Variants in ABCD2 observed in about 807,000 individuals in gnomAD.
ABCD2 encodes ATP-binding cassette sub-family D member 2.
ABCD2 carries 36 observed loss-of-function variants against 70.9 expected under a neutral mutation model. The ratio of observed to expected loss-of-function variants is 0.51; its 90% CI spans 0.39 to 0.67. The LOEUF (loss-of-function observed/expected upper bound fraction) is 0.67, where lower values mean the gene tolerates loss of function less well. Among genes scored for constraint, ABCD2 ranks in the 30% least tolerant of loss-of-function variants. ABCD2 has a pLI of 0.00. For synonymous variants in ABCD2, 304 were observed against 306.9 expected, an observed-to-expected ratio of 0.99 and a Z score of 0.10; for missense variants, 729 against 890.2, an observed-to-expected ratio of 0.82 and a Z score of 2.30.
At chr12:39,585,266 C>T (rs1941649490) in intron 7 of ABCD2, among the ~76,000 whole-genome samples, 1 of 152,036 alleles carries the variant, frequency 6.6e-6, no homozygotes, top group South Asian at 2.1e-4. Flanking sequence ...GTATTTCATT[C>T]TTTTTGTGGC....
the ABCD2 span, among the ~76,000 whole-genome samples, chr12:39,532,525 G>A: frequency 1.3e-5 from 2 of 152,262 alleles, no homozygotes; most frequent in Non-Finnish European, 2.9e-5. Context: ...GAAATGCTAC[G>A]ATCTTTTTGG....
At chr12:39,568,544 G>A (rs1304323346) in intron 9 of ABCD2, among the ~76,000 whole-genome samples, 2 of 151,858 alleles carry the variant, frequency 1.3e-5, no homozygotes, top group East Asian at 1.9e-4. Context: ...TTTTTTCAAG[G>A]TTTTTAACTT....
At chr12:39,588,683 A>G (rs1315932474) in intron 6 of ABCD2, among the ~76,000 whole-genome samples, 1 of 152,150 alleles carries the variant, frequency 6.6e-6, no homozygotes, top group Non-Finnish European at 1.5e-5. Flanking sequence ...TACAAGTAGT[A>G]TTTCTGTAAA....
Position 39,618,685 on chromosome 12 carries a change from C to T in ABCD2, c.931G>A (p.Gly311Arg), listed in dbSNP as rs1379602584. Reference protein sequence around the residue: ...ANVEEIAFYRGHKVEMKQLQK... With the variant: ...ANVEEIAFYRRHKVEMKQLQK... ...CTTAATTTCTATCTTACCTTATGTC[C>T]TCTGTAAAAGGCAATTTCTTCTACA... Residue 311 changes from glycine to arginine, a missense_variant, in exon 1 of 10, where the codon GGA becomes AGA. By Grantham distance (125) the Gly-to-Arg change is moderately radical. This residue lies in a region of ABCD2 where 195 missense variants were observed against 300.2 expected (regional missense o/e 0.65). Coordinates refer to ENST00000308666, the MANE Select transcript of ABCD2 (RefSeq NM_005164.4). 6.2e-7 allele frequency: 1 copy of T among 1,612,716 alleles called. No homozygotes were observed. Among genetic ancestry groups the T allele is most frequent in the Admixed American group, 1.7e-5 (1 of 59,964 alleles).
intron 8 of ABCD2, 150 bp from the exon 9 acceptor site, chr12:39,573,991 AGTT>A (rs1941483257): frequency 3.0e-6 from 2 of 656,456 alleles, no homozygotes; most frequent in South Asian, 5.0e-5. Context: ...GCAAAAAAGT[AGTT>A]GTCCCCTTCT....
chr12:39,538,099 G>A, the ABCD2 span, among the ~76,000 whole-genome samples: 1 of 151,736 alleles, frequency 6.6e-6, no homozygotes, highest in Non-Finnish European at 1.5e-5. Flanking sequence ...CCAAAATTCT[G>A]TAATGGGGCT....
chr12:39,568,449 C>A (rs572594772), intron 9 of ABCD2, among the ~76,000 whole-genome samples: 11 of 152,236 alleles, frequency 7.2e-5, no homozygotes, highest in African/African-American at 2.2e-4. Flanking sequence ...TCACCATGTT[C>A]ATTCTCGTGC....
chr12:39,603,765 CT>C, intron 5 of ABCD2, 146 bp downstream of exon 5: 2 of 480,820 alleles, frequency 4.2e-6, no homozygotes, highest in Non-Finnish European at 7.3e-6. Flanking sequence ...GGAATAACTG[CT>C]TCTGTAATTG....
chr12:39,541,110 A>G, the ABCD2 span, among the ~76,000 whole-genome samples: 1 of 152,254 alleles, frequency 6.6e-6, no homozygotes, highest in Non-Finnish European at 1.5e-5. Context: ...CAAATCCCAT[A>G]GTAATTGTCT....
chr12:39,549,129 A>G (rs1435439938), downstream of ABCD2, among the ~76,000 whole-genome samples: 2 of 151,948 alleles, frequency 1.3e-5, no homozygotes, highest in Non-Finnish European at 2.9e-5. Flanking sequence ...TGCTAAATAC[A>G]TAGGACCATC....
At chr12:39,604,716 T>A in intron 4 of ABCD2, 46 bp downstream of exon 4, 1 of 1,441,612 alleles carries the variant, frequency 6.9e-7, no homozygotes, top group Non-Finnish European at 9.2e-7. Context: ...GTTCTGTTGA[T>A]AAATACTTAA....
chr12:39,608,146 CCA>C (rs535893262), intron 2 of ABCD2, among the ~76,000 whole-genome samples: 281 of 150,506 alleles, frequency 1.9e-3, no homozygotes, highest in African/African-American at 6.1e-3. Context: ...CCAGCCTGGG[CCA>C]CAGAGTGAGA....
Position 39,550,412 on chromosome 12 carries a change from C to T in ABCD2, c.*3500G>A, listed in dbSNP as rs943418900. On this transcript the variant is annotated 3_prime_UTR_variant, in exon 10 of 10. Transcript: ENST00000308666. Reference sequence around the variant, plus strand: ...CACACACAGCCACAATTTCATTTAGCTACATAATGATTTTTACCTTTAAGG... The same window carrying T: ...CACACACAGCCACAATTTCATTTAGTTACATAATGATTTTTACCTTTAAGG... The T allele has an allele frequency of 1.8e-4, 27 of 151,774 alleles. No individual in the cohort carries two copies. The highest frequency in any genetic ancestry group is 6.3e-4 in the African/African-American group (26 of 41,512). The allele number at this position is 151,774 out of a possible 1,614,324, so 9.4% of individuals were successfully genotyped here. A position where few individuals can be genotyped will look rare whatever the true frequency, so the allele number is the denominator to read the frequency against.
intron 9 of ABCD2, among the ~76,000 whole-genome samples, chr12:39,560,613 T>C (rs1025592909): frequency 2.6e-5 from 4 of 152,078 alleles, no homozygotes; most frequent in Non-Finnish European, 4.4e-5. Flanking sequence ...TTTTTTGCAA[T>C]TTGTATATAC....
At chr12:39,537,817 C>T in the ABCD2 span, among the ~76,000 whole-genome samples, 1 of 152,146 alleles carries the variant, frequency 6.6e-6, no homozygotes, top group South Asian at 2.1e-4. Flanking sequence ...CAGAGCTGAC[C>T]ACGAACTGGT....
At chr12:39,589,325 G>A (rs944192632) in intron 6 of ABCD2, among the ~76,000 whole-genome samples, 1 of 149,038 alleles carries the variant, frequency 6.7e-6, no homozygotes, top group African/African-American at 2.5e-5. Context: ...ACATGTGTAT[G>A]TTCATATAAG....
intron 2 of ABCD2, among the ~76,000 whole-genome samples, chr12:39,615,155 C>T (rs1769824832): frequency 6.6e-6 from 1 of 151,668 alleles, no homozygotes; most frequent in South Asian, 2.1e-4. Context: ...GTTAATTTGT[C>T]ACCATTTAAT....
chr12:39,577,501 G>C (rs981414407), intron 8 of ABCD2, among the ~76,000 whole-genome samples: 2 of 152,142 alleles, frequency 1.3e-5, no homozygotes, highest in Non-Finnish European at 2.9e-5. Flanking sequence ...AGGTATAAAA[G>C]GTAGGTGGGG....
chr12:39,531,750 A>T, the ABCD2 span, among the ~76,000 whole-genome samples: 1 of 152,224 alleles, frequency 6.6e-6, no homozygotes, highest in Non-Finnish European at 1.5e-5. Context: ...GGGCTGTCCC[A>T]GATTTTGCAA....
Sources: allele counts gnomAD v4.1 joint callset (sites outside exome capture counted in the v4.1 genomes callset), GRCh38; gene constraint gnomAD v4.1.1; regional missense constraint gnomAD v4.1.1; transcripts MANE v1.5; gene names NCBI Gene and HGNC (gene_info 2026-07-23, HGNC 2026-07-21).